The following SKIC3 variants were observed in gnomAD, a reference collection of about 807,000 sequenced individuals.
SKIC3 encodes the protein SKI3 subunit of superkiller complex, also known as superkiller complex protein 3.
chr5:95,475,027 G>C, the SKIC3 span, among the ~76,000 whole-genome samples: 1 of 152,128 alleles, frequency 6.6e-6, no homozygotes, highest in African/African-American at 2.4e-5. Flanking sequence ...GGATTCCTTG[G>C]ATTGGGTTAC....
the SKIC3 span, chr5:95,497,289 T>C: frequency 1.1e-6 from 1 of 917,452 alleles, no homozygotes; most frequent in Non-Finnish European, 1.7e-6. Context: ...AAAATTTAGT[T>C]AATAACAGAA....
chr5:95,512,534 TG>T, the SKIC3 span: 1 of 1,614,066 alleles, frequency 6.2e-7, no homozygotes, highest in Non-Finnish European at 8.5e-7. Flanking sequence ...TGGAGGATGT[TG>T]TACTGGTACA....
At chr5:95,526,729 A>G in the SKIC3 span, among the ~76,000 whole-genome samples, 1 of 152,088 alleles carries the variant, frequency 6.6e-6, no homozygotes, top group Admixed American at 6.6e-5. Context: ...TCGGCCTCCC[A>G]AAGTGTTAGA....
the SKIC3 span, among the ~76,000 whole-genome samples, chr5:95,531,651 A>G: frequency 6.6e-6 from 1 of 152,180 alleles, no homozygotes; most frequent in Non-Finnish European, 1.5e-5. Flanking sequence ...CCTGAAGTTT[A>G]TGGTTCAGTA....
At chr5:95,522,678 T>C in the SKIC3 span, among the ~76,000 whole-genome samples, 56 of 152,204 alleles carry the variant, frequency 3.7e-4, no homozygotes, top group Middle Eastern at 3.4e-3. Flanking sequence ...ACAGTTAAAA[T>C]ATGGAAACAA....
the SKIC3 span, chr5:95,523,106 T>C: frequency 6.6e-7 from 1 of 1,517,550 alleles, no homozygotes; most frequent in Non-Finnish European, 9.1e-7. Context: ...TTATTTCTTC[T>C]CTCAAAATAC....
At chr5:95,467,511 A>G in the SKIC3 span, among the ~76,000 whole-genome samples, 1 of 152,162 alleles carries the variant, frequency 6.6e-6, no homozygotes, top group Admixed American at 6.5e-5. Context: ...TACAGGTTAA[A>G]TCAACATTAA....
At chr5:95,496,729 T>C in the SKIC3 span, among the ~76,000 whole-genome samples, 1 of 151,232 alleles carries the variant, frequency 6.6e-6, no homozygotes, top group Admixed American at 6.6e-5. Context: ...TGAAAATCAG[T>C]AGGAATAACG....
chr5:95,542,072 A>G, the SKIC3 span, among the ~76,000 whole-genome samples: 8 of 152,298 alleles, frequency 5.3e-5, no homozygotes, highest in Admixed American at 2.0e-4. Flanking sequence ...TCTAAATATA[A>G]TAGCTGGGGG....
At chr5:95,527,300 C>A in the SKIC3 span, among the ~76,000 whole-genome samples, 1 of 152,054 alleles carries the variant, frequency 6.6e-6, no homozygotes, top group East Asian at 1.9e-4. Flanking sequence ...CTTTATAAAG[C>A]ATTCACACAA....
the SKIC3 span, among the ~76,000 whole-genome samples, chr5:95,492,071 T>G: frequency 6.6e-6 from 1 of 152,208 alleles, no homozygotes; most frequent in Non-Finnish European, 1.5e-5. Flanking sequence ...CATTAAAATC[T>G]TATGCAGATC....
chr5:95,536,997 T>G, the SKIC3 span: 3 of 1,601,170 alleles, frequency 1.9e-6, no homozygotes, highest in South Asian at 3.3e-5. Flanking sequence ...CTTTCCTAAT[T>G]AGAAATACAT....
the SKIC3 span, chr5:95,537,049 T>G: frequency 1.2e-6 from 2 of 1,613,310 alleles, no homozygotes; most frequent in African/African-American, 2.7e-5. Flanking sequence ...TTACTTTGGA[T>G]AAACTCTGAA....
chr5:95,503,628 A>G, the SKIC3 span, among the ~76,000 whole-genome samples: 2 of 152,298 alleles, frequency 1.3e-5, no homozygotes, highest in East Asian at 3.9e-4. Context: ...AAGACTATTC[A>G]TCATAATAAC....
chr5:95,546,692 A>G, the SKIC3 span, among the ~76,000 whole-genome samples: 2 of 152,186 alleles, frequency 1.3e-5, no homozygotes, highest in Admixed American at 1.3e-4. Flanking sequence ...CCATCAGCAT[A>G]AAAATAAGCT....
At chr5:95,540,567 G>T in the SKIC3 span, 1 of 1,240,596 alleles carries the variant, frequency 8.1e-7, no homozygotes, top group Non-Finnish European at 1.1e-6. Flanking sequence ...CACATGAAAA[G>T]ATGTTCAACA....
chr5:95,535,398 C>T, the SKIC3 span, among the ~76,000 whole-genome samples: 1 of 151,292 alleles, frequency 6.6e-6, no homozygotes, highest in African/African-American at 2.4e-5. Context: ...GCAACCTCCG[C>T]CTCCCGGGTT....
At chr5:95,467,802 CAAAGATA>C in the SKIC3 span, 3 of 1,600,972 alleles carry the variant, frequency 1.9e-6, no homozygotes, top group Non-Finnish European at 2.6e-6. Context: ...ACCCTTAGAT[CAAAGATA>C]AAACATTTTA....
the SKIC3 span, among the ~76,000 whole-genome samples, chr5:95,525,876 A>C: frequency 6.6e-6 from 1 of 152,196 alleles, no homozygotes. Flanking sequence ...AAAAAATTAC[A>C]GAAACTAGTA....
Sources: gnomAD v4.1 joint callset for allele counts (sites outside exome capture counted in the v4.1 genomes callset) on GRCh38, gnomAD v4.1.1 for gene constraint, MANE v1.5 for transcripts, NCBI Gene and HGNC (gene_info 2026-07-23, HGNC 2026-07-21) for gene names.